FRG1: variants seen among roughly 807,000 people sequenced by gnomAD.
FRG1 encodes protein FRG1.
In FRG1, 19 loss-of-function variants were observed where a neutral mutation model predicts 37.0. The observed-to-expected ratio is 0.51, with a 90% CI of 0.36 to 0.75. FRG1 has a LOEUF of 0.75. Among genes scored for constraint, FRG1 ranks in the 30% least tolerant of loss-of-function variants. FRG1 has a pLI of 0.00. For missense variants in FRG1, 243 were observed against 301.4 expected (o/e 0.81, Z 1.44); for synonymous variants, 73 against 96.5 (o/e 0.76, Z 1.43).
chr4:189,948,672 C>A (rs1470272428), intron 2 of FRG1, among the ~76,000 whole-genome samples: 1 of 151,998 alleles, frequency 6.6e-6, no homozygotes, highest in Non-Finnish European at 1.5e-5. Flanking sequence ...AGCCATGACA[C>A]TGGTGCATTG....
intron 2 of FRG1, among the ~76,000 whole-genome samples, chr4:189,951,249 G>A (rs1467939015): frequency 1.3e-5 from 2 of 152,050 alleles, no homozygotes; most frequent in African/African-American, 4.8e-5. Context: ...CAGCACTTTG[G>A]GAGGCAGAGG....
intron 2 of FRG1, among the ~76,000 whole-genome samples, chr4:189,951,415 G>C (rs74708395): frequency 1.3e-5 from 2 of 151,774 alleles, no homozygotes; most frequent in Non-Finnish European, 2.9e-5. Context: ...GTTTGAACCC[G>C]GGAGGCAGAG....
Position 189,963,160 on chromosome 4 carries a change from G to A in FRG1, c.*31G>A. The A allele has an allele frequency of 3.1e-6, 5 of 1,598,276 alleles. No homozygotes were observed. Among genetic ancestry groups the A allele is most frequent in the Non-Finnish European group, 4.3e-6 (5 of 1,167,738 alleles). ...ATTTTTGTTTCTGCCTTATCTTTCT[G>A]TGTTTTTTTCTGAATAAAATATTCA... is the stretch of plus-strand genomic sequence containing the variant. On this transcript the variant is annotated 3_prime_UTR_variant, in exon 9 of 9. Transcript: ENST00000226798.
intron 2 of FRG1, among the ~76,000 whole-genome samples, chr4:189,950,174 T>C (rs770050919): frequency 2.0e-5 from 3 of 148,900 alleles, no homozygotes; most frequent in African/African-American, 7.5e-5. Context: ...TGGCCATTTG[T>C]ATATCATCTT....
chr4:189,949,636 A>T (rs557432162), intron 2 of FRG1, among the ~76,000 whole-genome samples: 19 of 152,304 alleles, frequency 1.2e-4, no homozygotes, highest in African/African-American at 4.6e-4. Flanking sequence ...GGCATAGAAC[A>T]TACAAAATAA....
At chr4:189,962,151 G>C (rs77297640) in intron 8 of FRG1, among the ~76,000 whole-genome samples, 1 of 152,158 alleles carries the variant, frequency 6.6e-6, no homozygotes, top group Non-Finnish European at 1.5e-5. Flanking sequence ...GTATATACTT[G>C]AAGAAATTCA....
At chr4:189,954,639 GGCTGGAGT>G (rs1003000806) in intron 4 of FRG1, among the ~76,000 whole-genome samples, 2 of 150,036 alleles carry the variant, frequency 1.3e-5, no homozygotes, top group African/African-American at 2.5e-5. Flanking sequence ...CTGTCACCCA[GGCTGGAGT>G]GCAGTGGTGT....
rs1294266936 is a variant in FRG1 at position 189,961,803 on chromosome 4, G to A, written c.630-19G>A. 2 of 1,000,326 alleles carry A rather than the reference G, an allele frequency of 2.0e-6. No individual in the cohort carries two copies. The highest frequency in any genetic ancestry group is 3.3e-5 in the African/African-American group (2 of 60,926). The allele number at this position is 1,000,326 out of a possible 1,614,324, so 62.0% of individuals were successfully genotyped here. A position where few individuals can be genotyped will look rare whatever the true frequency, so the allele number is the denominator to read the frequency against. ...ATCAGAGTTTGAGGTATTTTTCAAT[G>A]AAGACATTTTCTTTACAGAAAGAAA... is the stretch of plus-strand genomic sequence containing the variant. On this transcript the variant is annotated intron_variant, in intron 7 of 8. Coordinates refer to ENST00000226798, the MANE Select transcript of FRG1 (RefSeq NM_004477.3).
intron 6 of FRG1, chr4:189,959,846 G>A (rs1413751208): frequency 1.0e-6 from 1 of 979,484 alleles, no homozygotes; most frequent in Admixed American, 6.2e-5. Context: ...TTAATTGCAG[G>A]CTCTCCTAAT....
At chr4:189,941,230 C>A (rs1561060030) in intron 1 of FRG1, among the ~76,000 whole-genome samples, 159 bp downstream of exon 1, 1 of 152,168 alleles carries the variant, frequency 6.6e-6, no homozygotes, top group Non-Finnish European at 1.5e-5. Context: ...GGCCGCGGTT[C>A]CCGGCGTCTG....
At chr4:189,955,570 C>T (rs1579637660) in intron 5 of FRG1, among the ~76,000 whole-genome samples, 1 of 152,078 alleles carries the variant, frequency 6.6e-6, no homozygotes. Context: ...AATAATAGTT[C>T]ATTGAAGTAA....
intron 4 of FRG1, among the ~76,000 whole-genome samples, chr4:189,954,257 T>G (rs1353533636): frequency 2.0e-5 from 3 of 152,156 alleles, no homozygotes; most frequent in African/African-American, 7.2e-5. Context: ...GAGGTAAGAA[T>G]GTAAATGGAA....
At chr4:189,959,026 A>G (rs1268062828) in intron 6 of FRG1, among the ~76,000 whole-genome samples, 1 of 152,236 alleles carries the variant, frequency 6.6e-6, no homozygotes, top group Admixed American at 6.5e-5. Context: ...GAGAGGGGGC[A>G]AGTGCCTTTT....
At chr4:189,954,843 G>A (rs374805053) in intron 4 of FRG1, among the ~76,000 whole-genome samples, 194 bp from the exon 5 acceptor site, 1 of 151,892 alleles carries the variant, frequency 6.6e-6, no homozygotes, top group Non-Finnish European at 1.5e-5. Context: ...CAATTCTCCC[G>A]TTGGCTTCCC....
In FRG1 at chr4:189,960,809, G is replaced by T. The variant is rs1292198410; in HGVS notation, c.599G>T (p.Gly200Val). The change falls in exon 7 of 9, where the codon GGA becomes GTA. Residue 200 changes from glycine to valine, a missense_variant. Physicochemically the swap from Gly to Val is moderately radical, Grantham distance 109. Transcript: ENST00000226798. ...KKDDIPEEDKGNVKQCEINYV... is the reference protein window; with the variant it reads ...KKDDIPEEDKVNVKQCEINYV... ...GATGACATTCCAGAAGAAGACAAAGGAAATGTAAAACAATGTGAAATCAAT... is the reference window on the plus strand; with the variant it reads ...GATGACATTCCAGAAGAAGACAAAGTAAATGTAAAACAATGTGAAATCAAT... 1 of 1,609,718 alleles carries T rather than the reference G, an allele frequency of 6.2e-7. No homozygotes were observed. The highest frequency in any genetic ancestry group is 8.5e-7 in the Non-Finnish European group (1 of 1,179,098).
At chr4:189,954,897 C>T in intron 4 of FRG1, 140 bp from the exon 5 acceptor site, 1 of 574,516 alleles carries the variant, frequency 1.7e-6, no homozygotes, top group Non-Finnish European at 3.2e-6. Context: ...CAGCCACATG[C>T]AGCTTTTGAA....
At chr4:189,962,207 A>G (rs1480580674) in intron 8 of FRG1, among the ~76,000 whole-genome samples, 5 of 152,200 alleles carry the variant, frequency 3.3e-5, no homozygotes, top group Admixed American at 3.3e-4. Context: ...TTTTATAACT[A>G]TTAGAACCAG....
chr4:189,943,397 C>T (rs1472230426), intron 2 of FRG1, 125 bp downstream of exon 2: 1 of 1,048,190 alleles, frequency 9.5e-7, no homozygotes, highest in African/African-American at 1.6e-5. Flanking sequence ...TAAATATTAC[C>T]TACAGTTATA....
chr4:189,955,499 CTG>C (rs1305330988), intron 5 of FRG1, among the ~76,000 whole-genome samples: 1 of 152,210 alleles, frequency 6.6e-6, no homozygotes, highest in East Asian at 1.9e-4. Context: ...ACATTAGAGA[CTG>C]TAAGCGAACA....
Sources: gnomAD v4.1 joint callset for allele counts (sites outside exome capture counted in the v4.1 genomes callset) on GRCh38, gnomAD v4.1.1 for gene constraint, MANE v1.5 for transcripts, NCBI Gene and HGNC (gene_info 2026-07-23, HGNC 2026-07-21) for gene names.